The following ADAMTS17 variants were observed in gnomAD, a reference collection of about 807,000 sequenced individuals.
ADAMTS17 encodes the protein A disintegrin and metalloproteinase with thrombospondin motifs 17.
In ADAMTS17, 113 loss-of-function variants were observed where a neutral mutation model predicts 141.5. The ratio of observed to expected loss-of-function variants is 0.80; its 90% confidence interval spans 0.69 to 0.93. The LOEUF (loss-of-function observed/expected upper bound fraction) is 0.93. Among genes scored for constraint, ADAMTS17 ranks in the 40% least tolerant of loss-of-function variants. The pLI, the probability that ADAMTS17 is intolerant of heterozygous loss-of-function variation, is 0.00. For synonymous variants in ADAMTS17, 768 were observed against 630.6 expected, an observed-to-expected ratio of 1.22 and a Z score of -3.27; for missense variants, 1,659 against 1,517.9, an observed-to-expected ratio of 1.09 and a Z score of -1.54.
At chr15:99,980,243 C>G (rs181726309) in intron 20 of ADAMTS17, 1 of 152,264 alleles carries the variant, frequency 6.6e-6, no homozygotes, top group Non-Finnish European at 1.5e-5. Context: ...ATCACTTCAA[C>G]CCAGGAGGCA....
At chr15:100,170,084 A>G (rs2141464751) in intron 8 of ADAMTS17, among the ~76,000 whole-genome samples, 1 of 152,130 alleles carries the variant, frequency 6.6e-6, no homozygotes, top group East Asian at 1.9e-4. Flanking sequence ...GCGTGATGTG[A>G]CTGGCACCAT....
intron 15 of ADAMTS17, 149 bp downstream of exon 15, chr15:100,096,207 G>C (rs1185460510): frequency 6.5e-6 from 9 of 1,392,288 alleles, no homozygotes; most frequent in Middle Eastern, 2.6e-4. Context: ...GTCCTTTCTT[G>C]CTTTTCAGAA....
chr15:100,280,500 T>C (rs913562537), intron 4 of ADAMTS17, among the ~76,000 whole-genome samples: 1 of 152,132 alleles, frequency 6.6e-6, no homozygotes, highest in African/African-American at 2.4e-5. Context: ...CTCGGCACAC[T>C]GCTCCCCTCC....
chr15:100,191,132 A>G lies in ADAMTS17; in HGVS notation c.1181+8186T>C, dbSNP rs958018569. ...ATTTCAGAATCTGGTTATTTAGCCA[A>G]ACTCAACTTCCCTCCTGCCTCCTCA... is the stretch of plus-strand genomic sequence containing the variant. On this transcript the variant is annotated intron_variant, in intron 8 of 21. Coordinates refer to ENST00000268070, the MANE Select transcript of ADAMTS17 (RefSeq NM_139057.4). 5.3e-5 allele frequency among the ~76,000 whole-genome samples: 8 copies of G among 152,334 alleles called. No homozygotes were observed. The East Asian group carries it at 1.5e-3, about 29-fold the overall frequency.
intron 7 of ADAMTS17, among the ~76,000 whole-genome samples, chr15:100,211,087 G>A (rs183115504): frequency 0.02 from 2,768 of 141,660 alleles, 74 homozygotes; most frequent in African/African-American, 0.066. Context: ...GTGATAGAGC[G>A]AGACTCAGTC....
intron 18 of ADAMTS17, among the ~76,000 whole-genome samples, chr15:100,041,469 C>T (rs1465553124): frequency 1.3e-5 from 2 of 152,238 alleles, no homozygotes; most frequent in African/African-American, 4.8e-5. Context: ...TGCCTCCTTG[C>T]TCCAGGACCA....
intron 18 of ADAMTS17, among the ~76,000 whole-genome samples, chr15:100,044,807 A>ATT (rs60017895): frequency 1.3e-4 from 18 of 138,428 alleles, no homozygotes; most frequent in African/African-American, 1.7e-4. Context: ...TATAATTTGG[A>ATT]TTTTTTTTTT....
intron 3 of ADAMTS17, among the ~76,000 whole-genome samples, chr15:100,292,612 C>T (rs528539667): frequency 6.6e-6 from 1 of 152,366 alleles, no homozygotes; most frequent in South Asian, 2.1e-4. Context: ...ATGAGAGATA[C>T]TAACCCCATG....
intron 15 of ADAMTS17, among the ~76,000 whole-genome samples, chr15:100,081,023 T>C (rs769223133): frequency 6.6e-6 from 1 of 152,214 alleles, no homozygotes; most frequent in Non-Finnish European, 1.5e-5. Context: ...TACAAAGTAT[T>C]GATCCTGGAT....
chr15:100,253,801 T>C (rs1030440009), intron 7 of ADAMTS17, among the ~76,000 whole-genome samples: 1 of 152,054 alleles, frequency 6.6e-6, no homozygotes, highest in African/African-American at 2.4e-5. Flanking sequence ...CTGTGTAACT[T>C]AGCAGGCTGC....
chr15:100,328,389 A>C (rs1460215752), intron 3 of ADAMTS17, among the ~76,000 whole-genome samples: 1 of 152,216 alleles, frequency 6.6e-6, no homozygotes, highest in Non-Finnish European at 1.5e-5. Context: ...ATGCAATGCA[A>C]GAAGGACCAG....
chr15:100,315,210 T>C (rs771656543), intron 3 of ADAMTS17, among the ~76,000 whole-genome samples: 28 of 152,244 alleles, frequency 1.8e-4, no homozygotes, highest in Admixed American at 3.9e-4. Flanking sequence ...CTGCCCCAGG[T>C]ATCCACTGCA....
At chr15:99,981,340 G>A (rs1376294996) in intron 20 of ADAMTS17, among the ~76,000 whole-genome samples, 2 of 150,632 alleles carry the variant, frequency 1.3e-5, no homozygotes, top group African/African-American at 5.0e-5. Flanking sequence ...CTGTTCACTA[G>A]TGCCCCCATG....
At chr15:100,189,052 T>A (rs2040825157) in intron 8 of ADAMTS17, among the ~76,000 whole-genome samples, 1 of 152,228 alleles carries the variant, frequency 6.6e-6, no homozygotes, top group South Asian at 2.1e-4. Context: ...CAAACTATCA[T>A]GTTCTACACG....
chr15:100,270,833 A>G (rs1419803367), intron 4 of ADAMTS17, among the ~76,000 whole-genome samples: 1 of 111,090 alleles, frequency 9.0e-6, no homozygotes, highest in Non-Finnish European at 1.9e-5. Flanking sequence ...ACTGTTATAC[A>G]CTAACACTAC....
At chr15:100,029,716 A>G (rs993024195) in intron 18 of ADAMTS17, among the ~76,000 whole-genome samples, 29 of 152,304 alleles carry the variant, frequency 1.9e-4, no homozygotes, top group Middle Eastern at 6.8e-3. Context: ...CTCTATCTCT[A>G]CTGAAGGATT....
intron 15 of ADAMTS17, among the ~76,000 whole-genome samples, chr15:100,076,618 G>A (rs1029476526): frequency 3.9e-5 from 6 of 152,154 alleles, no homozygotes; most frequent in Non-Finnish European, 7.4e-5. Context: ...CAGTGTTGTA[G>A]GCTAACAGGA....
At chr15:100,058,308 C>CCT (rs2032805885) in intron 15 of ADAMTS17, among the ~76,000 whole-genome samples, 2 of 19,486 alleles carry the variant, frequency 1.0e-4, no homozygotes, top group African/African-American at 2.3e-4. Flanking sequence ...GCTCTAACAC[C>CCT]CCTATCCCGG....
intron 2 of ADAMTS17, chr15:100,338,891 C>T: frequency 1.0e-6 from 1 of 967,768 alleles, no homozygotes. Context: ...TTGGTTAGCC[C>T]AAATTCCTGT....
Sources: allele counts gnomAD v4.1 joint callset (sites outside exome capture counted in the v4.1 genomes callset), GRCh38; gene constraint gnomAD v4.1.1; transcripts MANE v1.5; gene names NCBI Gene and HGNC (gene_info 2026-07-23, HGNC 2026-07-21).